TANGO6: variants seen among roughly 807,000 people sequenced by gnomAD.
TANGO6 encodes the protein transport and golgi organization 6 homolog.
TANGO6 carries 90 observed loss-of-function variants against 114.2 expected under a neutral mutation model. That is an observed-to-expected ratio of 0.79 (90% confidence interval 0.66 to 0.94). TANGO6 has a LOEUF of 0.94. Among genes scored for constraint, TANGO6 ranks in the 40% least tolerant of loss-of-function variants. TANGO6 has a pLI of 0.00. For synonymous variants in TANGO6, 477 were observed against 509.8 expected (o/e 0.94, Z 0.87); for missense variants, 1,274 against 1,315.3 (o/e 0.97, Z 0.49).
intron 14 of TANGO6, among the ~76,000 whole-genome samples, chr16:68,949,827 T>A (rs1340935670): frequency 6.6e-6 from 1 of 150,942 alleles, no homozygotes; most frequent in Non-Finnish European, 1.5e-5. Flanking sequence ...ACACAAAAGT[T>A]TATATTTATA....
intron 17 of TANGO6, among the ~76,000 whole-genome samples, chr16:69,041,637 C>T (rs563953202): frequency 3.3e-5 from 5 of 152,254 alleles, no homozygotes; most frequent in African/African-American, 7.2e-5. Flanking sequence ...ACCTCACTAG[C>T]GAGGCCATTG....
At chr16:69,003,504 A>G (rs1964063586) in intron 15 of TANGO6, among the ~76,000 whole-genome samples, 1 of 152,178 alleles carries the variant, frequency 6.6e-6, no homozygotes, top group Non-Finnish European at 1.5e-5. Flanking sequence ...GCTTGTGAAG[A>G]ACATACCTTT....
At chr16:68,854,549 T>C (rs776729914) in intron 1 of TANGO6, among the ~76,000 whole-genome samples, 1 of 152,124 alleles carries the variant, frequency 6.6e-6, no homozygotes, top group Non-Finnish European at 1.5e-5. Context: ...AGAAGTTTTA[T>C]AGTTTAGATT....
At chr16:68,844,699 T>C (rs1567521537) in intron 1 of TANGO6, among the ~76,000 whole-genome samples, 1 of 152,130 alleles carries the variant, frequency 6.6e-6, no homozygotes, top group Non-Finnish European at 1.5e-5. Context: ...TCAGTCCCCA[T>C]AGTAGGCTGT....
Position 69,075,833 on chromosome 16 carries a change from C to A in TANGO6, c.3109-7652C>A, listed in dbSNP as rs1320993287. Among the ~76,000 whole-genome samples the A allele has an allele frequency of 4.4e-4, 64 of 146,900 alleles. 1 individual carries two copies. Among genetic ancestry groups the A allele is most frequent in the African/African-American group, 1.5e-3 (60 of 39,440 alleles). On this transcript the variant is annotated intron_variant, in intron 17 of 17. Transcript: ENST00000261778. ...CCGGACTGGAGTACAGTGGCTCAGT[C>A]TCAGCTCACTGCAACCTCTGCCTCC...
chr16:68,867,100 C>A lies in TANGO6; in HGVS notation c.874C>A (p.Gln292Lys). The stretch of plus-strand genomic sequence containing the variant: ...TCAGTCCTGCACAGATGTGAAGACA[C>A]AGATGAGGTGTCGGGCCCCAGCTTG... ...PPQSCTDVKTQMRCRAPAWLR... is the reference protein window; with the variant it reads ...PPQSCTDVKTKMRCRAPAWLR... The change falls in exon 4 of 18, where the codon CAG becomes AAG. Residue 292 changes from glutamine to lysine, a missense_variant. Physicochemically the swap from Gln to Lys is moderately conservative, Grantham distance 53 (BLOSUM62 1). Coordinates refer to ENST00000261778, the MANE Select transcript of TANGO6 (RefSeq NM_024562.2). The A allele has an allele frequency of 6.2e-7, 1 of 1,602,766 alleles. No individual in the cohort carries two copies. The highest frequency in any genetic ancestry group is 8.5e-7 in the Non-Finnish European group (1 of 1,173,814).
At chr16:68,944,990 T>TA (rs1311242590) in intron 14 of TANGO6, among the ~76,000 whole-genome samples, 3 of 152,104 alleles carry the variant, frequency 2.0e-5, no homozygotes, top group Middle Eastern at 3.4e-3. Flanking sequence ...CTACTAAAAA[T>TA]ACAAAAATTA....
chr16:69,064,352 A>C (rs1391132342), intron 17 of TANGO6, among the ~76,000 whole-genome samples: 2 of 152,140 alleles, frequency 1.3e-5, no homozygotes, highest in Non-Finnish European at 2.9e-5. Flanking sequence ...TAAGGATTGC[A>C]GTCTGCACTT....
intron 14 of TANGO6, among the ~76,000 whole-genome samples, chr16:68,950,379 C>G (rs1250133777): frequency 6.6e-6 from 1 of 152,126 alleles, no homozygotes; most frequent in East Asian, 1.9e-4. Flanking sequence ...CAGCCTGGTC[C>G]TACATGGTGA....
chr16:68,980,433 A>ATTTTTT (rs1170142167), intron 15 of TANGO6, among the ~76,000 whole-genome samples: 1 of 80,776 alleles, frequency 1.2e-5, no homozygotes, highest in African/African-American at 5.2e-5. Flanking sequence ...ATATATATAT[A>ATTTTTT]TATTTTTTTT....
At chr16:68,861,792 G>A (rs1420611487) in intron 2 of TANGO6, among the ~76,000 whole-genome samples, 1 of 152,114 alleles carries the variant, frequency 6.6e-6, no homozygotes, top group Non-Finnish European at 1.5e-5. Flanking sequence ...TATGTGAAAC[G>A]GTAATGGGCA....
intron 14 of TANGO6, among the ~76,000 whole-genome samples, chr16:68,949,231 A>G (rs989645762): frequency 1.3e-5 from 2 of 152,222 alleles, no homozygotes; most frequent in African/African-American, 4.8e-5. Flanking sequence ...GGATTTATCC[A>G]GTTTACTGAG....
intron 5 of TANGO6, among the ~76,000 whole-genome samples, chr16:68,876,850 C>T (rs907261028): frequency 9.2e-5 from 14 of 152,048 alleles, no homozygotes; most frequent in Non-Finnish European, 1.5e-4. Flanking sequence ...ACACAGTGTA[C>T]CTTGGAGATC....
At chr16:69,008,727 C>T (rs1372118577) in intron 15 of TANGO6, among the ~76,000 whole-genome samples, 5 of 152,006 alleles carry the variant, frequency 3.3e-5, no homozygotes, top group East Asian at 1.9e-4. Context: ...ACCACAACCT[C>T]TGCCTCCCAG....
intron 15 of TANGO6, among the ~76,000 whole-genome samples, chr16:68,990,385 G>A (rs1259456189): frequency 6.6e-6 from 1 of 152,158 alleles, no homozygotes; most frequent in Non-Finnish European, 1.5e-5. Flanking sequence ...AGAACCAAGC[G>A]ACAGGGGTTT....
At chr16:69,031,219 G>A (rs957593790) in intron 16 of TANGO6, among the ~76,000 whole-genome samples, 1 of 152,060 alleles carries the variant, frequency 6.6e-6, no homozygotes, top group African/African-American at 2.4e-5. Context: ...TCCCAGGAAT[G>A]TTCATGGTCA....
chr16:68,883,360 C>T lies in TANGO6; in HGVS notation c.1377+2730C>T, dbSNP rs545983534. Among the ~76,000 whole-genome samples, 3 of 152,334 alleles carry T rather than the reference C, an allele frequency of 2.0e-5. No individual in the cohort carries two copies. The South Asian group carries it at 6.2e-4, about 32-fold the overall frequency. ...CTACTAAGAATACAAAAATTTCTCT[C>T]TCTCAAGATTTGCCTATTGTGTACC... On this transcript the variant is annotated intron_variant, in intron 7 of 17. Coordinates refer to ENST00000261778, the MANE Select transcript of TANGO6 (RefSeq NM_024562.2).
intron 1 of TANGO6, among the ~76,000 whole-genome samples, chr16:68,856,686 T>C (rs915541334): frequency 1.3e-5 from 2 of 152,244 alleles, no homozygotes; most frequent in African/African-American, 4.8e-5. Context: ...TACATTGTTA[T>C]TAACTGAAGT....
At position 69,074,687 on chromosome 16, in the gene TANGO6, C is replaced by A. The variant is rs566262547; in HGVS notation, c.3109-8798C>A. 5.3e-5 allele frequency among the ~76,000 whole-genome samples: 8 copies of A among 152,028 alleles called. No individual in the cohort carries two copies. In the South Asian group the frequency reaches 1.5e-3, roughly 28 times the overall value. ...AAACATTATTAATTCATTCCCTTAA[C>A]CATAAACATCTAGAGGTTAGGAATA... On this transcript the variant is annotated intron_variant, in intron 17 of 17. Coordinates refer to ENST00000261778, the MANE Select transcript of TANGO6 (RefSeq NM_024562.2).
Sources: allele counts gnomAD v4.1 joint callset (sites outside exome capture counted in the v4.1 genomes callset), GRCh38; gene constraint gnomAD v4.1.1; transcripts MANE v1.5; gene names NCBI Gene and HGNC (gene_info 2026-07-23, HGNC 2026-07-21).